The following NRCAM variants were observed in gnomAD, a reference collection of about 807,000 sequenced individuals.
The protein encoded by NRCAM is neuronal cell adhesion molecule, also known as NgCAM-related cell adhesion molecule.
In NRCAM, 83 loss-of-function variants were observed where a neutral mutation model predicts 156.5. The ratio of observed to expected loss-of-function variants is 0.53; its 90% CI spans 0.44 to 0.64. The LOEUF (loss-of-function observed/expected upper bound fraction) is 0.64, where lower values mean the gene tolerates loss of function less well. Among genes scored for constraint, NRCAM ranks in the 30% least tolerant of loss-of-function variants. NRCAM has a pLI of 0.00. For synonymous variants in NRCAM, 538 were observed against 563.9 expected, an observed-to-expected ratio of 0.95 and a Z score of 0.65; for missense variants, 1,417 against 1,597.3, an observed-to-expected ratio of 0.89 and a Z score of 1.92.
At chr7:108,254,634 G>A (rs910143210) in intron 3 of NRCAM, among the ~76,000 whole-genome samples, 6 of 144,614 alleles carry the variant, frequency 4.1e-5, no homozygotes, top group Admixed American at 2.2e-4. Context: ...GGCAACCTCT[G>A]TCTCCTGGGC....
At chr7:108,188,291 G>A (rs942397607) in intron 20 of NRCAM, among the ~76,000 whole-genome samples, 11 of 152,258 alleles carry the variant, frequency 7.2e-5, no homozygotes, top group Admixed American at 6.5e-5. Flanking sequence ...GAACTCTGCA[G>A]TGGAGCCTTA....
At chr7:108,392,251 T>G (rs2099762722) in intron 2 of NRCAM, among the ~76,000 whole-genome samples, 1 of 152,226 alleles carries the variant, frequency 6.6e-6, no homozygotes, top group African/African-American at 2.4e-5. Flanking sequence ...AGTCCCATAT[T>G]TCTTGGAGGC....
At chr7:108,344,584 C>T (rs1594406803) in intron 2 of NRCAM, among the ~76,000 whole-genome samples, 1 of 152,110 alleles carries the variant, frequency 6.6e-6, no homozygotes, top group South Asian at 2.1e-4. Context: ...TGAAGAGTAA[C>T]AGCACGTACT....
chr7:108,237,648 G>T, intron 5 of NRCAM, 104 bp downstream of exon 5: 2 of 807,144 alleles, frequency 2.5e-6, no homozygotes, highest in South Asian at 2.7e-5. Context: ...AAAGACAAAG[G>T]TCACAAAACA....
chr7:108,366,390 T>G (rs1341627618), intron 2 of NRCAM, among the ~76,000 whole-genome samples: 2 of 152,238 alleles, frequency 1.3e-5, no homozygotes, highest in Non-Finnish European at 2.9e-5. Flanking sequence ...AAAAGTCTTA[T>G]GAAATGATAT....
chr7:108,231,409 C>T (rs1334566672), intron 7 of NRCAM, among the ~76,000 whole-genome samples: 1 of 152,148 alleles, frequency 6.6e-6, no homozygotes, highest in Non-Finnish European at 1.5e-5. Flanking sequence ...ATACTACATA[C>T]ATCATCAGGA....
At chr7:108,258,733 G>A (rs1419247446) in intron 3 of NRCAM, among the ~76,000 whole-genome samples, 2 of 152,172 alleles carry the variant, frequency 1.3e-5, no homozygotes, top group African/African-American at 4.8e-5. Context: ...GCATAGCGAT[G>A]TGGCAGGAGC....
chr7:108,343,442 A>G (rs2099316339), intron 2 of NRCAM, among the ~76,000 whole-genome samples: 1 of 152,162 alleles, frequency 6.6e-6, no homozygotes, highest in South Asian at 2.1e-4. Context: ...AAAGGAAAGG[A>G]AAGGGAAATA....
At position 108,289,599 on chromosome 7, in the gene NRCAM, T is replaced by C. The variant is rs866572041; in HGVS notation, c.-107+23066A>G. On this transcript the variant is annotated intron_variant, in intron 3 of 32. Coordinates refer to ENST00000379028, the MANE Select transcript of NRCAM (RefSeq NM_001037132.4). ...TTCAAGACTAGTAGTGTCATCAGTG[T>C]TGGGCACATGGGAGGCACTCAAGAA... Among the ~76,000 whole-genome samples the C allele has an allele frequency of 8.5e-5, 13 of 152,262 alleles. No individual in the cohort carries two copies. In the Middle Eastern group the frequency reaches 0.01, roughly 120 times the overall value.
At chr7:108,299,484 A>G (rs1342244381) in intron 3 of NRCAM, among the ~76,000 whole-genome samples, 1 of 152,198 alleles carries the variant, frequency 6.6e-6, no homozygotes, top group African/African-American at 2.4e-5. Context: ...TATAAAAGAT[A>G]AGAATACCCA....
At chr7:108,234,071 T>C (rs2094629953) in intron 6 of NRCAM, among the ~76,000 whole-genome samples, 1 of 152,200 alleles carries the variant, frequency 6.6e-6, no homozygotes, top group Non-Finnish European at 1.5e-5. Flanking sequence ...TAGACTATTT[T>C]ATAAACTGTT....
intron 3 of NRCAM, among the ~76,000 whole-genome samples, chr7:108,294,164 C>G (rs2098400591): frequency 6.7e-6 from 1 of 149,252 alleles, no homozygotes; most frequent in Admixed American, 6.7e-5. Context: ...GCTCCAGCAG[C>G]CCAGGAAAAG....
intron 11 of NRCAM, among the ~76,000 whole-genome samples, chr7:108,221,274 A>G (rs889310511): frequency 6.6e-6 from 1 of 152,210 alleles, no homozygotes; most frequent in Admixed American, 6.5e-5. Flanking sequence ...TACAGCCCCT[A>G]TGGAAAACAG....
chr7:108,446,827 A>G (rs1488692341), intron 1 of NRCAM, among the ~76,000 whole-genome samples: 1 of 149,024 alleles, frequency 6.7e-6, no homozygotes, highest in Non-Finnish European at 1.5e-5. Context: ...TCCTGGGTTG[A>G]GGTGATTCTC....
chr7:108,217,684 C>T (rs539722604), intron 11 of NRCAM, among the ~76,000 whole-genome samples: 9 of 152,276 alleles, frequency 5.9e-5, no homozygotes, highest in African/African-American at 1.2e-4. Flanking sequence ...TAGGCTCTGC[C>T]CAGTTCAAAC....
Position 108,200,443 on chromosome 7 carries a change from T to C in NRCAM, c.1208-2344A>G, listed in dbSNP as rs531194006. 2.0e-5 allele frequency among the ~76,000 whole-genome samples: 3 copies of C among 152,170 alleles called. No homozygotes were observed. The East Asian group carries it at 5.8e-4, about 29-fold the overall frequency. On this transcript the variant is annotated intron_variant, in intron 13 of 32. Coordinates refer to ENST00000379028, the MANE Select transcript of NRCAM (RefSeq NM_001037132.4). ...AACACAGTGTACCTTAGGGCAGCCATGGACCCTGAAAATGCAGTGTAACTT... is the reference window on the plus strand; with the variant it reads ...AACACAGTGTACCTTAGGGCAGCCACGGACCCTGAAAATGCAGTGTAACTT...
intron 1 of NRCAM, among the ~76,000 whole-genome samples, chr7:108,452,425 T>TCTTTGA (rs1453246767): frequency 6.6e-6 from 1 of 152,162 alleles, no homozygotes; most frequent in Non-Finnish European, 1.5e-5. Flanking sequence ...GGGAAGAAAC[T>TCTTTGA]TCAGCCTTTG....
chr7:108,443,612 T>G (rs2154485488), intron 1 of NRCAM, among the ~76,000 whole-genome samples: 1 of 152,312 alleles, frequency 6.6e-6, no homozygotes, highest in South Asian at 2.1e-4. Flanking sequence ...TACACAGCCT[T>G]GGCACCTGTA....
At chr7:108,312,283 G>C (rs1452785191) in intron 3 of NRCAM, among the ~76,000 whole-genome samples, 1 of 151,974 alleles carries the variant, frequency 6.6e-6, no homozygotes, top group African/African-American at 2.4e-5. Flanking sequence ...ATATATTATT[G>C]AATCAAAAAG....
Sources: allele counts gnomAD v4.1 joint callset (sites outside exome capture counted in the v4.1 genomes callset), GRCh38; gene constraint gnomAD v4.1.1; transcripts MANE v1.5; gene names NCBI Gene and HGNC (gene_info 2026-07-23, HGNC 2026-07-21).